The following PPP6R2 variants were observed in gnomAD, a reference collection of about 807,000 sequenced individuals.
PPP6R2 encodes protein phosphatase 6 regulatory subunit 2.
In PPP6R2, 62 loss-of-function variants were observed where a neutral mutation model predicts 100.2. That is an observed-to-expected ratio of 0.62 (90% CI 0.50 to 0.76). The LOEUF (loss-of-function observed/expected upper bound fraction) is 0.76, where lower values mean the gene tolerates loss of function less well. Among genes scored for constraint, PPP6R2 ranks in the 30% least tolerant of loss-of-function variants. The probability of loss-of-function intolerance (pLI) is 0.00; values close to 1 mark genes in which losing one functional copy is unlikely to be tolerated. For missense variants in PPP6R2, 1,142 were observed against 1,276.3 expected (o/e 0.89, Z 1.60); for synonymous variants, 525 against 514.7 (o/e 1.02, Z -0.27).
At chr22:50,414,740 G>T (rs1265836409) in intron 5 of PPP6R2, 51 bp downstream of exon 5, 1 of 1,584,886 alleles carries the variant, frequency 6.3e-7, no homozygotes, top group Non-Finnish European at 8.6e-7. Flanking sequence ...GCTGCAGGAA[G>T]CCAGCTGGTT....
chr22:50,441,485 G>A (rs1603423410), intron 22 of PPP6R2, among the ~76,000 whole-genome samples: 1 of 152,306 alleles, frequency 6.6e-6, no homozygotes, highest in Non-Finnish European at 1.5e-5. Flanking sequence ...GGCATCTGTG[G>A]GGCTCACGCA....
In PPP6R2 at chr22:50,434,960, T is replaced by C; in HGVS notation, c.1401-6T>C. The C allele has an allele frequency of 1.9e-6, 3 of 1,601,236 alleles. No homozygotes were observed. Among genetic ancestry groups the C allele is most frequent in the Non-Finnish European group, 2.6e-6 (3 of 1,176,390 alleles). On this transcript the variant is annotated splice_polypyrimidine_tract_variant and splice_region_variant and intron_variant, in intron 12 of 23. Transcript: ENST00000612753. ...AGGCCGCCCCGATGGTGCCTGTTGC[T>C]TTCAGGGCAGCGGGTGGCATGAGAC...
At chr22:50,335,413 T>C in the PPP6R2 span, among the ~76,000 whole-genome samples, 2 of 151,832 alleles carry the variant, frequency 1.3e-5, no homozygotes, top group African/African-American at 2.4e-5. Context: ...TTGGCCAGAC[T>C]GGTCTCAAAC....
intron 22 of PPP6R2, among the ~76,000 whole-genome samples, chr22:50,442,391 G>A (rs1437461338): frequency 1.3e-5 from 2 of 152,230 alleles, no homozygotes; most frequent in African/African-American, 2.4e-5. Flanking sequence ...CTGTCTTCAG[G>A]GCATCTGCAG....
chr22:50,402,394 C>T (rs1246521066), intron 3 of PPP6R2, among the ~76,000 whole-genome samples: 1 of 150,242 alleles, frequency 6.7e-6, no homozygotes. Context: ...TGTGGCTGTG[C>T]CTGGTGTCCC....
chr22:50,398,464 C>T (rs1457126036), intron 3 of PPP6R2, among the ~76,000 whole-genome samples: 2 of 149,168 alleles, frequency 1.3e-5, no homozygotes, highest in African/African-American at 2.5e-5. Flanking sequence ...TGAGCCACTG[C>T]ACCCGGCCCC....
upstream of PPP6R2, among the ~76,000 whole-genome samples, chr22:50,340,677 C>T (rs1471649975): frequency 6.6e-6 from 1 of 151,624 alleles, no homozygotes; most frequent in South Asian, 2.1e-4. Flanking sequence ...ACAGTGCAGT[C>T]AAGGTCCCAG....
Position 50,393,758 on chromosome 22 carries a change from C to G in PPP6R2, c.-16-135C>G. On this transcript the variant is annotated intron_variant, in intron 2 of 23. Transcript: ENST00000612753. ...GTGTGTTCATGCTGCAGATGGACTT[C>G]CAGGACTTGGGTCTAGTGTTGCTGA... The G allele has an allele frequency of 2.7e-6, 4 of 1,486,806 alleles. No individual in the cohort carries two copies. In the Middle Eastern group the frequency reaches 5.4e-4, roughly 200 times the overall value. 92.1% of individuals were successfully genotyped at this position (1,486,806 alleles called of 1,614,324 possible).
intron 13 of PPP6R2, 27 bp from the exon 14 acceptor site, chr22:50,436,340 G>A: frequency 6.4e-7 from 1 of 1,554,224 alleles, no homozygotes; most frequent in Non-Finnish European, 8.7e-7. Context: ...GTCTCCCAGG[G>A]CTCACCAGGC....
intron 1 of PPP6R2, among the ~76,000 whole-genome samples, chr22:50,348,914 G>T (rs1476225164): frequency 6.6e-6 from 1 of 152,020 alleles, no homozygotes; most frequent in Non-Finnish European, 1.5e-5. Flanking sequence ...AAGCAGGGCC[G>T]GGCGCAGTGG....
intron 1 of PPP6R2, among the ~76,000 whole-genome samples, chr22:50,368,423 T>TGAAGACAGAA (rs1254565515): frequency 1.3e-5 from 2 of 152,214 alleles, no homozygotes; most frequent in Non-Finnish European, 2.9e-5. Flanking sequence ...TCTTGTCTTC[T>TGAAGACAGAA]GGTCACTTCT....
chr22:50,352,710 C>T (rs1260487878), intron 1 of PPP6R2, among the ~76,000 whole-genome samples: 3 of 148,850 alleles, frequency 2.0e-5, no homozygotes, highest in African/African-American at 2.5e-5. Context: ...GGTGACAGAG[C>T]GAGACTCTGT....
At chr22:50,427,161 C>A (rs1000808168) in intron 10 of PPP6R2, among the ~76,000 whole-genome samples, 24 of 150,576 alleles carry the variant, frequency 1.6e-4, no homozygotes, top group African/African-American at 5.6e-4. Flanking sequence ...TGCACTCCAG[C>A]CTGGGCAACA....
Position 50,439,814 on chromosome 22 carries a change from G to C in PPP6R2, c.2242G>C (p.Glu748Gln), listed in dbSNP as rs1295291914. 6.2e-7 allele frequency: 1 copy of C among 1,613,760 alleles called. No individual in the cohort carries two copies. The highest frequency in any genetic ancestry group is 8.5e-7 in the Non-Finnish European group (1 of 1,179,960). Residue 748 changes from glutamate (E) to glutamine (Q), a missense_variant, in exon 20 of 24, where the codon GAG (glutamate) becomes CAG (glutamine). Physicochemically the swap from Glu to Gln is conservative, Grantham distance 29. Transcript: ENST00000612753. ...VWAAGTSAPE[E>Q]KGWAKFTDFQ... ...GGCAGCTGGCACCTCAGCTCCAGAGGAGAAAGGCTGGGCCAAGTTCACTGA... is the reference window on the plus strand; with the variant it reads ...GGCAGCTGGCACCTCAGCTCCAGAGCAGAAAGGCTGGGCCAAGTTCACTGA...
At chr22:50,409,101 C>T (rs1208658117) in intron 4 of PPP6R2, among the ~76,000 whole-genome samples, 2 of 152,128 alleles carry the variant, frequency 1.3e-5, no homozygotes, top group African/African-American at 4.8e-5. Context: ...GCAACAAGAG[C>T]GAAACTTTCC....
At chr22:50,419,298 T>TTG in intron 7 of PPP6R2, 51 bp from the exon 8 acceptor site, 3 of 1,481,338 alleles carry the variant, frequency 2.0e-6, no homozygotes, top group Non-Finnish European at 2.8e-6. Context: ...CTTGCATCCT[T>TTG]TGTGTGTGTG....
At chr22:50,417,008 A>C (rs2060635995) in intron 6 of PPP6R2, among the ~76,000 whole-genome samples, 1 of 151,924 alleles carries the variant, frequency 6.6e-6, no homozygotes, top group Non-Finnish European at 1.5e-5. Context: ...GTCGTCTGTG[A>C]CCGAATAGCA....
At chr22:50,382,301 C>T (rs1368666792) in intron 2 of PPP6R2, among the ~76,000 whole-genome samples, 1 of 151,822 alleles carries the variant, frequency 6.6e-6, no homozygotes, top group Non-Finnish European at 1.5e-5. Context: ...TAGCAATTGT[C>T]TGGATAAAAA....
chr22:50,418,392 CT>C (rs140685653), intron 6 of PPP6R2, among the ~76,000 whole-genome samples: 44 of 146,316 alleles, frequency 3.0e-4, no homozygotes, highest in Non-Finnish European at 2.4e-4. Context: ...ACATCTTTTT[CT>C]TTTTTTTTTT....
Sources: allele counts gnomAD v4.1 joint callset (sites outside exome capture counted in the v4.1 genomes callset), GRCh38; gene constraint gnomAD v4.1.1; transcripts MANE v1.5; gene names NCBI Gene and HGNC (gene_info 2026-07-23, HGNC 2026-07-21).